The following TMPRSS15 variants were observed in gnomAD, a reference collection of about 807,000 sequenced individuals.
The protein encoded by TMPRSS15 is enteropeptidase.
In TMPRSS15, 128 loss-of-function variants were observed where a neutral mutation model predicts 125.3. That is an observed-to-expected ratio of 1.02 (90% CI 0.89 to 1.18). TMPRSS15 has a LOEUF of 1.18. Among genes scored for constraint, TMPRSS15 ranks in the 50% most tolerant of loss-of-function variants. TMPRSS15 has a pLI of 0.00. For missense variants in TMPRSS15, 1,283 were observed against 1,212.7 expected, an observed-to-expected ratio of 1.06 and a Z score of -0.86; for synonymous variants, 446 against 423.2, an observed-to-expected ratio of 1.05 and a Z score of -0.66.
chr21:18,343,846 T>C (rs1348967385), intron 11 of TMPRSS15, 109 bp downstream of exon 11: 8 of 1,197,480 alleles, frequency 6.7e-6, no homozygotes, highest in Non-Finnish European at 8.7e-6. Context: ...TAATAGTATA[T>C]GCATTAAAAC....
At chr21:18,426,119 A>G in intron 1 of TMPRSS15, among the ~76,000 whole-genome samples, 1 of 152,052 alleles carries the variant, frequency 6.6e-6, no homozygotes, top group East Asian at 1.9e-4. Flanking sequence ...CAATTACTTT[A>G]TTTTACGAAC....
intron 1 of TMPRSS15, among the ~76,000 whole-genome samples, chr21:18,464,400 A>G (rs1197939612): frequency 6.6e-6 from 1 of 152,034 alleles, no homozygotes; most frequent in African/African-American, 2.4e-5. Context: ...AAGACAAAAA[A>G]TAACTAAGAT....
intron 23 of TMPRSS15, among the ~76,000 whole-genome samples, chr21:18,275,676 T>C (rs2074611366): frequency 6.6e-6 from 1 of 152,196 alleles, no homozygotes; most frequent in African/African-American, 2.4e-5. Flanking sequence ...GTTTCATTCA[T>C]GGAAATTAGC....
At chr21:18,292,774 G>A (rs549398320) in intron 21 of TMPRSS15, among the ~76,000 whole-genome samples, 2 of 152,164 alleles carry the variant, frequency 1.3e-5, no homozygotes, top group Non-Finnish European at 2.9e-5. Context: ...TATGCTATCC[G>A]TGACATGTCC....
intron 23 of TMPRSS15, among the ~76,000 whole-genome samples, chr21:18,278,439 G>C (rs2074646871): frequency 6.6e-6 from 1 of 151,986 alleles, no homozygotes; most frequent in African/African-American, 2.4e-5. Flanking sequence ...AAATATATAG[G>C]CTGGGCGCGG....
chr21:18,485,148 T>C (rs116614152), intron 1 of TMPRSS15, among the ~76,000 whole-genome samples: 3,472 of 152,008 alleles, frequency 0.023, 142 homozygotes, highest in African/African-American at 0.079. Context: ...AAAATTTTAC[T>C]CTAATGTCTT....
chr21:18,409,348 T>G (rs2076159805), intron 1 of TMPRSS15, among the ~76,000 whole-genome samples: 1 of 152,138 alleles, frequency 6.6e-6, no homozygotes, highest in African/African-American at 2.4e-5. Context: ...ATGTACCTTT[T>G]TCAGTTTCCC....
upstream of TMPRSS15, among the ~76,000 whole-genome samples, chr21:18,407,448 C>CTTTTTTTTTTTTTTTTTTTTTTTT (rs201740388): frequency 7.5e-6 from 1 of 133,196 alleles, no homozygotes. Context: ...TTTTTCTTTT[C>CTTTTTTTTTTTTTTTTTTTTTTTT]TTTTTTTTTT....
chr21:18,276,715 C>A (rs2074625196), intron 23 of TMPRSS15, among the ~76,000 whole-genome samples: 1 of 148,778 alleles, frequency 6.7e-6, no homozygotes, highest in African/African-American at 2.5e-5. Context: ...CCTAGCTAAT[C>A]AATTAGTATA....
At chr21:18,323,936 A>C (rs2075265243) in intron 16 of TMPRSS15, among the ~76,000 whole-genome samples, 1 of 152,166 alleles carries the variant, frequency 6.6e-6, no homozygotes, top group African/African-American at 2.4e-5. Flanking sequence ...CATTGTTTTA[A>C]TGTTCATAAT....
chr21:18,322,733 G>A (rs372029900), intron 16 of TMPRSS15, among the ~76,000 whole-genome samples: 15 of 152,072 alleles, frequency 9.9e-5, no homozygotes, highest in African/African-American at 3.4e-4. Flanking sequence ...AAGGGTAGTG[G>A]GGAGGGAGGA....
chr21:18,322,435 C>T (rs530769359), intron 16 of TMPRSS15, among the ~76,000 whole-genome samples: 2 of 152,270 alleles, frequency 1.3e-5, no homozygotes, highest in African/African-American at 2.4e-5. Context: ...TCTATGTTTA[C>T]TGCAGCACTA....
Position 18,321,003 on chromosome 21 carries a change from A to C in TMPRSS15, c.1921+5429T>G, listed in dbSNP as rs949481392. 2.0e-5 allele frequency among the ~76,000 whole-genome samples: 3 copies of C among 152,182 alleles called. No individual in the cohort carries two copies. In the East Asian group the frequency reaches 5.8e-4, roughly 29 times the overall value. ...CATACGCTTGGTTTAAAATGGAACG[A>C]AATTGATCTCTAAGCACATGCCACA... On this transcript the variant is annotated intron_variant, in intron 16 of 24. Coordinates refer to ENST00000284885, the MANE Select transcript of TMPRSS15 (RefSeq NM_002772.3).
chr21:18,434,164 T>C (rs2824829), intron 1 of TMPRSS15, among the ~76,000 whole-genome samples: 17,824 of 152,184 alleles, frequency 0.12, 1,182 homozygotes, highest in African/African-American at 0.16. Context: ...TACGTGTTCG[T>C]ACATCCAGCT....
chr21:18,387,602 CACACACACAT>C (rs1257574583), intron 3 of TMPRSS15, among the ~76,000 whole-genome samples: 12 of 114,248 alleles, frequency 1.1e-4, no homozygotes, highest in African/African-American at 2.6e-4. Flanking sequence ...TAGCTACACA[CACACACACAT>C]ACACACACAC....
chr21:18,365,068 G>T, intron 7 of TMPRSS15, 72 bp downstream of exon 7: 1 of 1,250,722 alleles, frequency 8.0e-7, no homozygotes. Flanking sequence ...AAAAACTACT[G>T]AAAGCAATAA....
At position 18,269,618 on chromosome 21, in the gene TMPRSS15, C is replaced by A; in HGVS notation, c.*351G>T. 6.3e-6 allele frequency: 1 copy of A among 159,922 alleles called. No individual in the cohort carries two copies. The highest frequency in any genetic ancestry group is 1.8e-4 in the South Asian group (1 of 5,482). The allele number at this position is 159,922 out of a possible 1,614,324, so 9.9% of individuals were successfully genotyped here. ...TATTTTCTTTCTTTTTTAAATTCTG[C>A]TCAAATTTCTTAAGTGTATGGTATA... On this transcript the variant is annotated 3_prime_UTR_variant, in exon 25 of 25. Coordinates refer to ENST00000284885, the MANE Select transcript of TMPRSS15 (RefSeq NM_002772.3).
At chr21:18,344,924 T>C (rs1023388) in intron 10 of TMPRSS15, among the ~76,000 whole-genome samples, 106,056 of 152,108 alleles carry the variant, frequency 0.7, 38,054 homozygotes, top group East Asian at 0.89. Context: ...TAGTGTTTAC[T>C]TGAAATCAAG....
rs191156070 is a variant in TMPRSS15 at position 18,274,071 on chromosome 21, C to T, written c.2904+1126G>A. 1.4e-3 allele frequency among the ~76,000 whole-genome samples: 215 copies of T among 152,210 alleles called. 1 individual carries two copies. Among genetic ancestry groups the T allele is most frequent in the African/African-American group, 4.9e-3 (204 of 41,534 alleles). ...GCTATTTCTTCATTTAGTAATTATT[C>T]GTTTGGTCAGTAATGCTAGCAGGTT... is the stretch of plus-strand genomic sequence containing the variant. On this transcript the variant is annotated intron_variant, in intron 24 of 24. Transcript: ENST00000284885.
Sources: gnomAD v4.1 joint callset for allele counts (sites outside exome capture counted in the v4.1 genomes callset) on GRCh38, gnomAD v4.1.1 for gene constraint, MANE v1.5 for transcripts, NCBI Gene and HGNC (gene_info 2026-07-23, HGNC 2026-07-21) for gene names.